Variants in AOPEP observed in about 807,000 individuals in gnomAD.
AOPEP encodes the protein aminopeptidase O.
A neutral mutation model predicts 98.1 loss-of-function variants in AOPEP; 77 were observed. That is an observed-to-expected ratio of 0.78 (90% confidence interval 0.65 to 0.95). The LOEUF (loss-of-function observed/expected upper bound fraction) is 0.95, where lower values mean the gene tolerates loss of function less well. Among genes scored for constraint, AOPEP ranks in the 40% least tolerant of loss-of-function variants. AOPEP has a pLI of 0.00. For missense variants in AOPEP, 1,024 were observed against 1,024.7 expected (o/e 1.00, Z 0.01); for synonymous variants, 346 against 365.3 (o/e 0.95, Z 0.60).
the AOPEP span, chr9:95,100,744 C>T: frequency 4.4e-6 from 1 of 226,668 alleles, no homozygotes; most frequent in African/African-American, 2.2e-5. Context: ...GATCCTCATG[C>T]CTCAGCCTCT....
In AOPEP at chr9:94,759,879, G is replaced by T. The variant is rs779977263; in HGVS notation, c.96G>T (p.Val32=). 5.0e-6 allele frequency: 8 copies of T among 1,614,114 alleles called. No individual in the cohort carries two copies. Among genetic ancestry groups the T allele is most frequent in the Non-Finnish European group, 6.8e-6 (8 of 1,180,026 alleles). The change falls in exon 2 of 17, where the codon GTG becomes GTT. Residue 32 remains valine, a synonymous_variant. Coordinates refer to ENST00000375315, the MANE Select transcript of AOPEP (RefSeq NM_001193329.3). ...LVKHYVLDLD[V]DFESQVIEGT... is the part of the protein sequence containing the mutation. ...AGCACTATGTACTGGATTTGGATGT[G>T]GATTTTGAAAGTCAAGTCATTGAGG...
At chr9:94,970,379 A>T (rs978023831) in intron 10 of AOPEP, among the ~76,000 whole-genome samples, 6 of 151,808 alleles carry the variant, frequency 4.0e-5, no homozygotes, top group African/African-American at 1.5e-4. Context: ...TAAACACCCA[A>T]CTGTGCTATC....
At chr9:95,101,700 G>T in the AOPEP span, 3 of 1,613,662 alleles carry the variant, frequency 1.9e-6, no homozygotes, top group Non-Finnish European at 1.7e-6. Context: ...CACGGCCTGC[G>T]TGCCTTCTAG....
intron 1 of AOPEP, among the ~76,000 whole-genome samples, chr9:94,748,568 G>A (rs1467170243): frequency 1.3e-5 from 2 of 152,056 alleles, no homozygotes; most frequent in Admixed American, 6.5e-5. Context: ...TGTAGCCCTG[G>A]CATAATGCTT....
chr9:94,957,250 T>C (rs1195247474), intron 9 of AOPEP, among the ~76,000 whole-genome samples: 1 of 152,180 alleles, frequency 6.6e-6, no homozygotes, highest in African/African-American at 2.4e-5. Flanking sequence ...CTCTGTCGCC[T>C]AGGCTGGAGT....
At chr9:94,788,997 C>T (rs188485440) in intron 3 of AOPEP, among the ~76,000 whole-genome samples, 26 of 152,146 alleles carry the variant, frequency 1.7e-4, no homozygotes, top group African/African-American at 5.5e-4. Flanking sequence ...GCTGGGCCTG[C>T]TTAGTTTAGC....
At chr9:95,005,741 T>C (rs2061963103) in intron 13 of AOPEP, 125 bp downstream of exon 13, 1 of 724,308 alleles carries the variant, frequency 1.4e-6, no homozygotes, top group Admixed American at 2.4e-5. Flanking sequence ...AAACCATAGA[T>C]TTAATATATG....
intron 13 of AOPEP, among the ~76,000 whole-genome samples, chr9:95,026,981 G>C (rs1334597289): frequency 1.3e-5 from 2 of 152,208 alleles, no homozygotes; most frequent in African/African-American, 4.8e-5. Flanking sequence ...AAAACTGTAG[G>C]GTGGGAGTGG....
intron 14 of AOPEP, among the ~76,000 whole-genome samples, chr9:95,073,897 T>C (rs1200179664): frequency 6.6e-6 from 1 of 152,170 alleles, no homozygotes; most frequent in Non-Finnish European, 1.5e-5. Flanking sequence ...CAGACTGCAT[T>C]GCGTGTAGTG....
intron 16 of AOPEP, among the ~76,000 whole-genome samples, chr9:95,083,921 T>C (rs1027768680): frequency 1.3e-5 from 2 of 152,214 alleles, no homozygotes; most frequent in African/African-American, 4.8e-5. Context: ...ACCTGTTAGA[T>C]TTACTTCCTA....
At chr9:95,035,475 AAAAT>A (rs1323058560) in intron 13 of AOPEP, among the ~76,000 whole-genome samples, 9 of 147,468 alleles carry the variant, frequency 6.1e-5, no homozygotes, top group Non-Finnish European at 1.3e-4. Context: ...GCTGTTTTTT[AAAAT>A]AAATCTCTTT....
chr9:94,994,562 T>A (rs920699860), intron 11 of AOPEP, among the ~76,000 whole-genome samples: 1 of 152,258 alleles, frequency 6.6e-6, no homozygotes, highest in Non-Finnish European at 1.5e-5. Flanking sequence ...TTAATTATTA[T>A]ACTGGTTTTA....
chr9:95,016,360 C>T (rs1035735405), intron 13 of AOPEP, among the ~76,000 whole-genome samples: 1 of 151,154 alleles, frequency 6.6e-6, no homozygotes, highest in Non-Finnish European at 1.5e-5. Context: ...CTCCCTGCCT[C>T]AGCCTCCTGA....
chr9:94,944,928 G>GA (rs2057447690), intron 7 of AOPEP, among the ~76,000 whole-genome samples: 1 of 152,190 alleles, frequency 6.6e-6, no homozygotes, highest in Non-Finnish European at 1.5e-5. Context: ...AAAAGAGAGA[G>GA]ATTGATGGAA....
the AOPEP span, chr9:95,110,977 A>G: frequency 1.4e-6 from 2 of 1,414,798 alleles, no homozygotes; most frequent in Non-Finnish European, 1.8e-6. Flanking sequence ...TTAGTAAGAG[A>G]TGTAAATAAA....
intron 7 of AOPEP, among the ~76,000 whole-genome samples, chr9:94,938,924 T>G (rs1386295754): frequency 6.6e-6 from 1 of 152,112 alleles, no homozygotes; most frequent in Non-Finnish European, 1.5e-5. Flanking sequence ...CTGACTGAAT[T>G]GTTCATTTGC....
chr9:94,743,178 AGAAGAAGAAGAAGAAGAAGAAGAG>A (rs1176701772), intron 1 of AOPEP, among the ~76,000 whole-genome samples: 9 of 115,068 alleles, frequency 7.8e-5, no homozygotes, highest in Non-Finnish European at 1.2e-4. Context: ...AAGAAGAAGA[AGAAGAAGAAGAAGAAGAAGAAGAG>A]GAAGAAGAGG....
At chr9:94,875,625 C>G (rs1007803545) in intron 5 of AOPEP, among the ~76,000 whole-genome samples, 2 of 152,308 alleles carry the variant, frequency 1.3e-5, no homozygotes, top group Non-Finnish European at 2.9e-5. Context: ...GAAGCACACT[C>G]CTCAGTTACG....
chr9:94,908,068 G>T (rs2051433959), intron 5 of AOPEP, among the ~76,000 whole-genome samples: 1 of 152,208 alleles, frequency 6.6e-6, no homozygotes, highest in Non-Finnish European at 1.5e-5. Flanking sequence ...TGGAAAGTCA[G>T]CTTCCTTCTC....
Sources: gnomAD v4.1 joint callset for allele counts (sites outside exome capture counted in the v4.1 genomes callset) on GRCh38, gnomAD v4.1.1 for gene constraint, MANE v1.5 for transcripts, NCBI Gene and HGNC (gene_info 2026-07-23, HGNC 2026-07-21) for gene names.